Variants in REV1 observed in about 807,000 individuals in gnomAD.
REV1 encodes translesion synthesis protein REV1.
Under a neutral mutation model 137.4 loss-of-function variants are expected in REV1, and 42 were observed. The ratio of observed to expected loss-of-function variants is 0.31; its 90% confidence interval spans 0.24 to 0.40. The LOEUF is 0.40. Ranked by LOEUF, REV1 falls within the 10% of genes least tolerant of loss-of-function variation. The probability of loss-of-function intolerance (pLI) is 1.00; values close to 1 mark genes in which losing one functional copy is unlikely to be tolerated. For missense variants in REV1, 1,282 were observed against 1,490.1 expected (o/e 0.86, Z 2.30); for synonymous variants, 524 against 519.2 (o/e 1.01, Z -0.12).
At position 99,410,851 on chromosome 2, in the gene REV1, G is replaced by C; in HGVS notation, c.2189C>G (p.Ala730Gly). 6.3e-7 allele frequency: 1 copy of C among 1,586,570 alleles called. No individual in the cohort carries two copies. The highest frequency in any genetic ancestry group is 1.2e-5 in the South Asian group (1 of 85,598). Residue 730 changes from alanine to glycine, a missense_variant, in exon 14 of 23, where the codon GCT becomes GGT. By Grantham distance (60) the Ala-to-Gly change is moderately conservative. Around this residue, in one of 7 missense-constraint regions of REV1, gnomAD observed 372 missense variants for 482.3 expected, o/e 0.77. Coordinates refer to ENST00000258428, the MANE Select transcript of REV1 (RefSeq NM_016316.4). Reference protein sequence around the residue: ...IRFTQPKEAEAFLLSLSEEIQ... With the variant: ...IRFTQPKEAEGFLLSLSEEIQ... ...TTCTTCTGAAAGACTCAGAAGAAAA[G>C]CTTCTGCCTCTTTTGGCTATGGAAA...
At chr2:99,422,569 A>G (rs1678823164) in intron 10 of REV1, among the ~76,000 whole-genome samples, 1 of 152,230 alleles carries the variant, frequency 6.6e-6, no homozygotes, top group African/African-American at 2.4e-5. Context: ...GGCTTAAAGT[A>G]TGACATTTTT....
At chr2:99,435,487 A>G (rs975490083) in intron 7 of REV1, 8 of 159,984 alleles carry the variant, frequency 5.0e-5, no homozygotes, top group African/African-American at 1.9e-4. Context: ...GAGAAAGCAT[A>G]GTGACCCAAG....
intron 22 of REV1, 27 bp from the exon 23 acceptor site, chr2:99,401,379 A>AT: frequency 6.9e-7 from 1 of 1,446,146 alleles, no homozygotes; most frequent in Non-Finnish European, 9.7e-7. Context: ...AAGAAATGTC[A>AT]TTAGGAATTA....
At chr2:99,470,356 T>C (rs1685278887) in intron 1 of REV1, among the ~76,000 whole-genome samples, 1 of 152,182 alleles carries the variant, frequency 6.6e-6, no homozygotes, top group African/African-American at 2.4e-5. Flanking sequence ...TATAAATGTA[T>C]ACATTTGTAA....
chr2:99,480,080 G>A (rs963921581), intron 1 of REV1, among the ~76,000 whole-genome samples: 1 of 152,164 alleles, frequency 6.6e-6, no homozygotes, highest in Non-Finnish European at 1.5e-5. Context: ...GCACTTTGCG[G>A]GGTTACGGCA....
chr2:99,402,125 T>G (rs1025310855), intron 22 of REV1, 119 bp downstream of exon 22: 4 of 571,486 alleles, frequency 7.0e-6, no homozygotes, highest in Non-Finnish European at 3.1e-6. Flanking sequence ...ATAAAGGATA[T>G]CACTTTCTCA....
intron 1 of REV1, among the ~76,000 whole-genome samples, chr2:99,474,467 AAC>A (rs1382444166): frequency 6.6e-6 from 1 of 152,224 alleles, no homozygotes; most frequent in African/African-American, 2.4e-5. Flanking sequence ...GAAGTAACCT[AAC>A]ACAATTCAAC....
intron 4 of REV1, among the ~76,000 whole-genome samples, chr2:99,448,283 T>C (rs1230740494): frequency 6.6e-6 from 1 of 151,710 alleles, no homozygotes; most frequent in African/African-American, 2.4e-5. Flanking sequence ...TTATAATCTA[T>C]CCATACATAA....
intron 3 of REV1, among the ~76,000 whole-genome samples, chr2:99,453,933 C>G (rs1575153355): frequency 7.3e-6 from 1 of 136,098 alleles, no homozygotes; most frequent in East Asian, 2.1e-4. Flanking sequence ...TAAAACAAAA[C>G]TAGATTCAGG....
intron 3 of REV1, among the ~76,000 whole-genome samples, chr2:99,455,580 G>GT (rs1318480539): frequency 6.6e-6 from 1 of 152,154 alleles, no homozygotes. Flanking sequence ...AATTAATATG[G>GT]TAAGTCTTCT....
At chr2:99,421,372 G>T in intron 11 of REV1, 127 bp downstream of exon 11, 1 of 750,528 alleles carries the variant, frequency 1.3e-6, no homozygotes, top group Non-Finnish European at 2.2e-6. Flanking sequence ...TCACACAATT[G>T]TAAGCAATGC....
intron 6 of REV1, 125 bp downstream of exon 6, chr2:99,438,476 A>G (rs1001312914): frequency 3.0e-6 from 2 of 660,804 alleles, no homozygotes; most frequent in Non-Finnish European, 5.2e-6. Context: ...TGTAACTTAC[A>G]TGATTTGACA....
At chr2:99,453,878 G>C (rs1683208574) in intron 3 of REV1, among the ~76,000 whole-genome samples, 1 of 111,562 alleles carries the variant, frequency 9.0e-6, no homozygotes, top group South Asian at 3.3e-4. Context: ...GGGTGACAGA[G>C]TAAGGCTCTG....
At chr2:99,401,443 CAAA>C (rs528664310) in intron 22 of REV1, 91 bp from the exon 23 acceptor site, 822 of 566,106 alleles carry the variant, frequency 1.5e-3, no homozygotes, top group South Asian at 2.4e-3. Flanking sequence ...TTGACTTTGG[CAAA>C]AAAAAAAAAA....
chr2:99,432,473 T>C (rs760575924), intron 8 of REV1, among the ~76,000 whole-genome samples: 1 of 152,130 alleles, frequency 6.6e-6, no homozygotes, highest in Non-Finnish European at 1.5e-5. Context: ...ACAAAAGCAC[T>C]GAAAAAAGTT....
At chr2:99,403,281 TTC>T (rs1315316568) in intron 19 of REV1, 175 bp from the exon 20 acceptor site, 19 of 612,332 alleles carry the variant, frequency 3.1e-5, no homozygotes, top group Non-Finnish European at 5.1e-5. Context: ...GGCTCTCCAA[TTC>T]TCTCTTTGCT....
intron 11 of REV1, among the ~76,000 whole-genome samples, chr2:99,421,238 A>G (rs1365842055): frequency 6.6e-6 from 1 of 152,142 alleles, no homozygotes; most frequent in Admixed American, 6.5e-5. Context: ...GGGAAAAAAA[A>G]AACTGTTTAC....
intron 9 of REV1, among the ~76,000 whole-genome samples, chr2:99,427,952 GGT>G (rs1679593584): frequency 6.6e-6 from 1 of 151,968 alleles, no homozygotes; most frequent in Non-Finnish European, 1.5e-5. Flanking sequence ...ATTTACCGTG[GGT>G]AAATATAAAT....
At chr2:99,483,559 A>T (rs1265826753) in intron 1 of REV1, among the ~76,000 whole-genome samples, 4 of 152,262 alleles carry the variant, frequency 2.6e-5, no homozygotes, top group Non-Finnish European at 5.9e-5. Flanking sequence ...TTCTCAAAGC[A>T]TCCTATGTGG....
Sources: gnomAD v4.1 joint callset for allele counts (sites outside exome capture counted in the v4.1 genomes callset) on GRCh38, gnomAD v4.1.1 for gene constraint, gnomAD v4.1.1 regional missense constraint, MANE v1.5 for transcripts, NCBI Gene and HGNC (gene_info 2026-07-23, HGNC 2026-07-21) for gene names.